The following GALNTL6 variants were observed in gnomAD, a reference collection of about 807,000 sequenced individuals.
GALNTL6 encodes polypeptide N-acetylgalactosaminyltransferase like 6.
In GALNTL6, 46 loss-of-function variants were observed where a neutral mutation model predicts 73.7. That is an observed-to-expected ratio of 0.62 (90% CI 0.49 to 0.80). The LOEUF is 0.80. GALNTL6 is among the 30% of genes least tolerant of loss of function. The probability of loss-of-function intolerance (pLI) is 0.00; values close to 1 mark genes in which losing one functional copy is unlikely to be tolerated. For synonymous variants in GALNTL6, 259 were observed against 263.7 expected (o/e 0.98, Z 0.17); for missense variants, 604 against 755.0 (o/e 0.80, Z 2.34).
At chr4:172,800,918 T>C (rs1740605054) in intron 5 of GALNTL6, among the ~76,000 whole-genome samples, 1 of 152,158 alleles carries the variant, frequency 6.6e-6, no homozygotes, top group Admixed American at 6.5e-5. Flanking sequence ...TTATTCTAGA[T>C]TCATCTAAAC....
Position 172,756,563 on chromosome 4 carries a change from T to C in GALNTL6, c.554-52798T>C, listed in dbSNP as rs539907396. ...AGGAGGCTGAAGCAGGAGAATCGCT[T>C]GAACCCAGAAGGCCGAAGTTGCAGT... On this transcript the variant is annotated intron_variant, in intron 5 of 12. Transcript: ENST00000506823. Among the ~76,000 whole-genome samples the C allele has an allele frequency of 6.9e-4, 105 of 152,078 alleles. 1 individual carries two copies. The East Asian group carries it at 0.015, about 21-fold the overall frequency.
At chr4:172,588,193 A>G (rs148323377) in intron 5 of GALNTL6, among the ~76,000 whole-genome samples, 334 of 152,268 alleles carry the variant, frequency 2.2e-3, no homozygotes, top group African/African-American at 7.8e-3. Context: ...CTGAAAAAGG[A>G]AGTTTATGTG....
At chr4:172,192,172 T>C (rs1306869817) in intron 2 of GALNTL6, among the ~76,000 whole-genome samples, 1 of 152,158 alleles carries the variant, frequency 6.6e-6, no homozygotes, top group Non-Finnish European at 1.5e-5. Flanking sequence ...TTATGTCATC[T>C]ATAAATAACT....
intron 2 of GALNTL6, among the ~76,000 whole-genome samples, chr4:171,895,852 G>T (rs748063242): frequency 6.6e-6 from 1 of 150,754 alleles, no homozygotes. Context: ...TATGAGCAAA[G>T]AAATAATAAT....
chr4:172,293,716 T>A (rs1164338046), intron 3 of GALNTL6, among the ~76,000 whole-genome samples: 2 of 151,570 alleles, frequency 1.3e-5, no homozygotes, highest in African/African-American at 4.8e-5. Flanking sequence ...TACATCTGTA[T>A]AAATTAAAAA....
chr4:172,879,701 C>T (rs183787217), intron 7 of GALNTL6, among the ~76,000 whole-genome samples: 2 of 151,800 alleles, frequency 1.3e-5, no homozygotes, highest in South Asian at 2.1e-4. Context: ...CAGTTTCCAC[C>T]TTAAATAACC....
intron 5 of GALNTL6, among the ~76,000 whole-genome samples, chr4:172,682,787 G>A (rs1284936115): frequency 6.6e-6 from 1 of 152,036 alleles, no homozygotes; most frequent in South Asian, 2.1e-4. Context: ...AACCTGGTCA[G>A]TTCCAGGAAG....
At chr4:172,089,432 T>C (rs1044591101) in intron 2 of GALNTL6, among the ~76,000 whole-genome samples, 1 of 152,164 alleles carries the variant, frequency 6.6e-6, no homozygotes, top group Non-Finnish European at 1.5e-5. Context: ...GGAGTCTATT[T>C]ATTACATGGG....
chr4:172,110,727 G>C (rs924921326), intron 2 of GALNTL6, among the ~76,000 whole-genome samples: 2 of 152,060 alleles, frequency 1.3e-5, no homozygotes, highest in African/African-American at 4.8e-5. Flanking sequence ...CACATGTTTT[G>C]CTGATTGCTG....
intron 5 of GALNTL6, among the ~76,000 whole-genome samples, chr4:172,531,758 A>G (rs1397538099): frequency 2.6e-5 from 4 of 152,190 alleles, no homozygotes; most frequent in African/African-American, 9.7e-5. Context: ...ACTCTACTCC[A>G]CACCTTTCCA....
intron 3 of GALNTL6, among the ~76,000 whole-genome samples, chr4:172,282,399 A>G (rs991957583): frequency 3.3e-5 from 5 of 152,184 alleles, no homozygotes; most frequent in African/African-American, 9.6e-5. Flanking sequence ...ATCATAGCGT[A>G]CTAGTGGCAA....
intron 2 of GALNTL6, among the ~76,000 whole-genome samples, chr4:171,956,133 G>GC (rs11387916): frequency 0.48 from 72,113 of 151,550 alleles, 17,647 homozygotes; most frequent in Middle Eastern, 0.6. Context: ...CTCCAGAGTA[G>GC]CGGGACTACA....
chr4:173,010,976 A>G (rs1752528216), intron 11 of GALNTL6, among the ~76,000 whole-genome samples: 1 of 152,122 alleles, frequency 6.6e-6, no homozygotes, highest in Admixed American at 6.5e-5. Flanking sequence ...TCCTGCCAAC[A>G]ATGTAAAAGT....
intron 10 of GALNTL6, among the ~76,000 whole-genome samples, chr4:172,962,941 A>C (rs1750150232): frequency 6.6e-6 from 1 of 152,136 alleles, no homozygotes; most frequent in South Asian, 2.1e-4. Context: ...AACACAGTCC[A>C]CTTAAAACAA....
chr4:171,937,913 C>A (rs187026875), intron 2 of GALNTL6, among the ~76,000 whole-genome samples: 2 of 151,908 alleles, frequency 1.3e-5, no homozygotes, highest in Non-Finnish European at 2.9e-5. Context: ...ACAATCTGTC[C>A]GTGAATCTGT....
At chr4:172,455,974 CCT>C (rs902671513) in intron 5 of GALNTL6, among the ~76,000 whole-genome samples, 1 of 152,138 alleles carries the variant, frequency 6.6e-6, no homozygotes, top group Admixed American at 6.5e-5. Context: ...GACGGTTACC[CCT>C]CTGGGACAAA....
Position 172,097,915 on chromosome 4 carries a change from G to C in GALNTL6, c.139-131741G>C, listed in dbSNP as rs187448455. Among the ~76,000 whole-genome samples, 490 of 151,068 alleles carry C rather than the reference G, an allele frequency of 3.2e-3. 3 individuals carry two copies. Among genetic ancestry groups the C allele is most frequent in the African/African-American group, 0.011 (463 of 41,212 alleles). The stretch of plus-strand genomic sequence containing the variant: ...TACTATTATTCAAAGGTGGCATTGT[G>C]AGAAAAAAAAAAGTCATACTTCTGC... On this transcript the variant is annotated intron_variant, in intron 2 of 12. Transcript: ENST00000506823.
chr4:172,183,831 T>C (rs2110861252), intron 2 of GALNTL6, among the ~76,000 whole-genome samples: 1 of 150,624 alleles, frequency 6.6e-6, no homozygotes, highest in East Asian at 2.0e-4. Flanking sequence ...TCTCTCTCTG[T>C]TGCCAGGCTG....
intron 3 of GALNTL6, among the ~76,000 whole-genome samples, chr4:172,297,398 G>A (rs1397617937): frequency 6.6e-6 from 1 of 152,032 alleles, no homozygotes; most frequent in East Asian, 1.9e-4. Flanking sequence ...TGTTGCCATT[G>A]CTTTTGGTGT....
Sources: allele counts gnomAD v4.1 joint callset (sites outside exome capture counted in the v4.1 genomes callset), GRCh38; gene constraint gnomAD v4.1.1; transcripts MANE v1.5; gene names NCBI Gene and HGNC (gene_info 2026-07-23, HGNC 2026-07-21).